PALLD: variants seen among roughly 807,000 people sequenced by gnomAD.
PALLD encodes palladin.
A neutral mutation model predicts 123.5 loss-of-function variants in PALLD; 61 were observed. The observed-to-expected ratio is 0.49, with a 90% CI of 0.40 to 0.61. The LOEUF is 0.61. PALLD is among the 20% of genes least tolerant of loss of function. The pLI is 0.00. For missense variants in PALLD, 1,273 were observed against 1,377.0 expected (o/e 0.92, Z 1.20); for synonymous variants, 465 against 496.4 (o/e 0.94, Z 0.84).
chr4:168,692,655 C>A (rs57498842), intron 8 of PALLD, among the ~76,000 whole-genome samples: 12,229 of 152,166 alleles, frequency 0.08, 541 homozygotes, highest in African/African-American at 0.12. Flanking sequence ...CAAGAAATAG[C>A]TTTTTATGTG....
At chr4:168,870,804 C>G (rs558155871) in intron 10 of PALLD, among the ~76,000 whole-genome samples, 9 of 152,206 alleles carry the variant, frequency 5.9e-5, no homozygotes, top group Admixed American at 5.9e-4. Flanking sequence ...GAACGTTTCT[C>G]TACTGGGCTG....
intron 10 of PALLD, among the ~76,000 whole-genome samples, chr4:168,730,894 T>C (rs1336886148): frequency 6.6e-6 from 1 of 152,180 alleles, no homozygotes; most frequent in African/African-American, 2.4e-5. Context: ...GTGCCAGATG[T>C]TTCCGAGTTT....
chr4:168,591,722 A>G (rs1771454490), intron 2 of PALLD, among the ~76,000 whole-genome samples: 2 of 152,140 alleles, frequency 1.3e-5, no homozygotes, highest in South Asian at 4.1e-4. Context: ...ATATGTTATG[A>G]TTTTTAGTGT....
chr4:168,758,902 T>C (rs1207882134), intron 10 of PALLD, among the ~76,000 whole-genome samples: 4 of 151,692 alleles, frequency 2.6e-5, no homozygotes, highest in Non-Finnish European at 5.9e-5. Flanking sequence ...AGGCTGGGCA[T>C]GGTGGCTCAT....
At chr4:168,728,727 T>G (rs1320255675) in intron 10 of PALLD, among the ~76,000 whole-genome samples, 1 of 152,174 alleles carries the variant, frequency 6.6e-6, no homozygotes, top group Non-Finnish European at 1.5e-5. Context: ...TTCCCATAAG[T>G]TATTGTGGTA....
intron 10 of PALLD, among the ~76,000 whole-genome samples, chr4:168,760,516 A>G (rs544617937): frequency 2.0e-5 from 3 of 152,156 alleles, no homozygotes; most frequent in Admixed American, 6.5e-5. Context: ...GTTACAAGGG[A>G]GTAGGGGCGT....
intron 10 of PALLD, among the ~76,000 whole-genome samples, chr4:168,783,516 A>G (rs115729819): frequency 0.012 from 1,859 of 152,246 alleles, 26 homozygotes; most frequent in Middle Eastern, 0.02. Context: ...CAAAGATTAT[A>G]CAATCAGAGA....
chr4:168,808,390 G>A (rs1405722645), intron 10 of PALLD, among the ~76,000 whole-genome samples: 1 of 152,062 alleles, frequency 6.6e-6, no homozygotes, highest in Non-Finnish European at 1.5e-5. Flanking sequence ...TGAGGCAGGA[G>A]AATTGCTTGA....
chr4:168,720,649 C>A (rs1247332718), intron 10 of PALLD, among the ~76,000 whole-genome samples: 1 of 152,132 alleles, frequency 6.6e-6, no homozygotes, highest in Admixed American at 6.6e-5. Flanking sequence ...GATGACTTTG[C>A]ATTTGCATTT....
At chr4:168,903,501 A>G (rs919837471) in intron 14 of PALLD, among the ~76,000 whole-genome samples, 3 of 152,216 alleles carry the variant, frequency 2.0e-5, no homozygotes, top group Non-Finnish European at 2.9e-5. Flanking sequence ...ATCCCTTCAT[A>G]TAAATAATAT....
At chr4:168,741,157 G>A (rs1392623006) in intron 10 of PALLD, among the ~76,000 whole-genome samples, 1 of 152,102 alleles carries the variant, frequency 6.6e-6, no homozygotes, top group Admixed American at 6.5e-5. Flanking sequence ...CTGGATGGCG[G>A]ATCACTCTTA....
At chr4:168,889,389 C>T (rs1753842340) in intron 10 of PALLD, among the ~76,000 whole-genome samples, 1 of 151,952 alleles carries the variant, frequency 6.6e-6, no homozygotes, top group African/African-American at 2.4e-5. Flanking sequence ...GTCTCCAACT[C>T]CTGACCTCAG....
chr4:168,680,481 C>CAAAAAA (rs571607157), intron 3 of PALLD, among the ~76,000 whole-genome samples: 3 of 59,172 alleles, frequency 5.1e-5, no homozygotes, highest in African/African-American at 1.3e-4. Flanking sequence ...GATTCCGTCT[C>CAAAAAA]AAAAAAAAAA....
At chr4:168,853,865 G>T (rs1581770976) in intron 10 of PALLD, among the ~76,000 whole-genome samples, 1 of 152,156 alleles carries the variant, frequency 6.6e-6, no homozygotes, top group African/African-American at 2.4e-5. Context: ...GAGAGGGAAA[G>T]GCAGGACTCA....
At chr4:168,544,883 G>A (rs908399422) in intron 2 of PALLD, among the ~76,000 whole-genome samples, 60 of 152,250 alleles carry the variant, frequency 3.9e-4, no homozygotes, top group African/African-American at 1.1e-3. Context: ...GGGAAACAAC[G>A]TAAAAGCTAC....
At chr4:168,924,691 A>AAAAG (rs1451651865) in intron 19 of PALLD, among the ~76,000 whole-genome samples, 2 of 152,322 alleles carry the variant, frequency 1.3e-5, no homozygotes, top group African/African-American at 4.8e-5. Flanking sequence ...CTTTAGTGAT[A>AAAAG]AAAGACTATT....
chr4:168,807,168 A>C (rs890900802), intron 10 of PALLD, among the ~76,000 whole-genome samples: 3 of 152,112 alleles, frequency 2.0e-5, no homozygotes, highest in African/African-American at 7.2e-5. Context: ...AAAAGTTAGA[A>C]GGTACAAATG....
At chr4:168,639,544 C>CT (rs35142519) in intron 2 of PALLD, among the ~76,000 whole-genome samples, 3,475 of 141,120 alleles carry the variant, frequency 0.025, 139 homozygotes, top group African/African-American at 0.078. Flanking sequence ...GGCCATTCAA[C>CT]TTTTTTTTTT....
At chr4:168,804,338 C>T (rs548023858) in intron 10 of PALLD, among the ~76,000 whole-genome samples, 6 of 152,326 alleles carry the variant, frequency 3.9e-5, no homozygotes, top group South Asian at 4.1e-4. Flanking sequence ...TTTTCACCTA[C>T]GTGGTGAGAG....
Sources: gnomAD v4.1 joint callset for allele counts (sites outside exome capture counted in the v4.1 genomes callset) on GRCh38, gnomAD v4.1.1 for gene constraint, MANE v1.5 for transcripts, NCBI Gene and HGNC (gene_info 2026-07-23, HGNC 2026-07-21) for gene names.